Variants in SLC35A5 observed in about 807,000 individuals in gnomAD.
The protein encoded by SLC35A5 is solute carrier family 35 member A5.
SLC35A5 carries 28 observed loss-of-function variants against 36.3 expected under a neutral mutation model. That is an observed-to-expected ratio of 0.77 (90% CI 0.57 to 1.06). SLC35A5 has a LOEUF of 1.06. Ranked by LOEUF, SLC35A5 falls within the 50% of genes least tolerant of loss-of-function variation. The probability of loss-of-function intolerance (pLI) is 0.00; values close to 1 mark genes in which losing one functional copy is unlikely to be tolerated. For synonymous variants in SLC35A5, 180 were observed against 173.7 expected (o/e 1.04, Z -0.29); for missense variants, 521 against 499.3 (o/e 1.04, Z -0.41).
chr3:112,570,230 TTTTA>T (rs1328584922), intron 3 of SLC35A5, among the ~76,000 whole-genome samples: 1 of 151,660 alleles, frequency 6.6e-6, no homozygotes. Flanking sequence ...TTTTAACTTA[TTTTA>T]ACTTGTTGAT....
intron 1 of SLC35A5, 105 bp from the exon 2 acceptor site, chr3:112,563,280 A>G: frequency 9.6e-7 from 1 of 1,046,026 alleles, no homozygotes; most frequent in Non-Finnish European, 1.3e-6. Context: ...TGATATAGTC[A>G]TAGCCAAAAT....
At chr3:112,561,430 G>A, upstream of SLC35A5, 1 of 1,609,558 alleles carries the variant, frequency 6.2e-7, no homozygotes, top group Non-Finnish European at 8.5e-7. Context: ...GTGCCTGACA[G>A]CTCCCGGCAA....
chr3:112,561,609 C>T (rs534120870), upstream of SLC35A5: 1 of 1,402,160 alleles, frequency 7.1e-7, no homozygotes, highest in East Asian at 2.5e-5. Flanking sequence ...AGAAAATGTC[C>T]TCGCTGCCAC....
At chr3:112,575,300 A>G (rs1469581456) in intron 5 of SLC35A5, among the ~76,000 whole-genome samples, 1 of 152,178 alleles carries the variant, frequency 6.6e-6, no homozygotes, top group Non-Finnish European at 1.5e-5. Flanking sequence ...CTGAAGTTGT[A>G]TAATATAAAA....
At position 112,570,612 on chromosome 3, in the gene SLC35A5, C is replaced by G; in HGVS notation, c.302C>G (p.Ala101Gly). 1 of 1,612,774 alleles carries G rather than the reference C, an allele frequency of 6.2e-7. No homozygotes were observed. The highest frequency in any genetic ancestry group is 8.5e-7 in the Non-Finnish European group (1 of 1,179,404). Residue 101 changes from alanine (A) to glycine (G), a missense_variant, in exon 4 of 7, where the codon GCC becomes GGC. Transcript: ENST00000492406. ...FSDFMKWSIP[A>G]FLYFLDNLIV... ...GATTTCATGAAGTGGTCCATTCCTG[C>G]CTTTCTTTATTTCCTGGATAACTTG... is the stretch of plus-strand genomic sequence containing the variant.
At chr3:112,571,911 T>C (rs965059330) in intron 4 of SLC35A5, among the ~76,000 whole-genome samples, 44 of 147,764 alleles carry the variant, frequency 3.0e-4, no homozygotes, top group African/African-American at 1.1e-3. Flanking sequence ...AACAGGTGTT[T>C]GACTTTCCAC....
At chr3:112,578,753 A>G (rs1373916356) in intron 5 of SLC35A5, among the ~76,000 whole-genome samples, 1 of 152,144 alleles carries the variant, frequency 6.6e-6, no homozygotes, top group Non-Finnish European at 1.5e-5. Context: ...TTTTTTCTTA[A>G]TATTAGTGAA....
intron 2 of SLC35A5, among the ~76,000 whole-genome samples, chr3:112,564,541 G>T (rs1480347178): frequency 1.3e-5 from 2 of 152,028 alleles, no homozygotes; most frequent in Non-Finnish European, 2.9e-5. Flanking sequence ...GCCCAGGGAC[G>T]AGCAGGAGAC....
At chr3:112,571,663 A>G (rs1934443394) in intron 4 of SLC35A5, among the ~76,000 whole-genome samples, 1 of 152,204 alleles carries the variant, frequency 6.6e-6, no homozygotes, top group African/African-American at 2.4e-5. Context: ...GGAAGGCGAA[A>G]GAGGAGCAAA....
chr3:112,568,783 T>C (rs1934308857), intron 2 of SLC35A5, among the ~76,000 whole-genome samples: 1 of 152,342 alleles, frequency 6.6e-6, no homozygotes, highest in South Asian at 2.1e-4. Flanking sequence ...AGAAGAATTA[T>C]GAGCTGAGTA....
chr3:112,570,128 A>T (rs1314370696), intron 3 of SLC35A5, among the ~76,000 whole-genome samples: 1 of 152,160 alleles, frequency 6.6e-6, no homozygotes, highest in Non-Finnish European at 1.5e-5. Context: ...AACTTTCTCT[A>T]GTTCCATATA....
chr3:112,570,662 C>G lies in SLC35A5; in HGVS notation c.352C>G (p.Leu118Val), dbSNP rs1266104977. 2 of 1,571,414 alleles carry G rather than the reference C, an allele frequency of 1.3e-6. No individual in the cohort carries two copies. The highest frequency in any genetic ancestry group is 1.7e-4 in the Middle Eastern group (1 of 5,906). The change falls in exon 4 of 7, where the codon CTT (leucine) becomes GTT (valine). Residue 118 changes from leucine to valine, a missense_variant. By Grantham distance (32) the Leu-to-Val change is conservative (BLOSUM62 1). Coordinates refer to ENST00000492406, the MANE Select transcript of SLC35A5 (RefSeq NM_017945.5). ...NLIVFYVLSY[L>V]QPAMAVIFSN... ...GATTGTCTTCTATGTCCTGTCCTAT[C>G]TTCAACCAGTAAGTAAATATGAAAA...
At chr3:112,561,654 G>GGGGACGGGACGCGACGCGAC (rs1553740148), upstream of SLC35A5, 2 of 988,380 alleles carry the variant, frequency 2.0e-6, no homozygotes, top group African/African-American at 3.3e-5. Context: ...CAGCACCCGA[G>GGGGACGGGACGCGACGCGAC]GGGACGGGAC....
intron 3 of SLC35A5, among the ~76,000 whole-genome samples, chr3:112,569,881 G>A (rs56970524): frequency 0.067 from 10,255 of 152,198 alleles, 432 homozygotes; most frequent in Admixed American, 0.12. Context: ...TGAGGTAAAC[G>A]TAAACTTTAG....
In SLC35A5 at chr3:112,584,239, A is replaced by G. The variant is rs1340928512; in HGVS notation, c.*1503A>G. 1 of 152,322 alleles carries G rather than the reference A, an allele frequency of 6.6e-6. No individual in the cohort carries two copies. 9.4% of individuals were successfully genotyped at this position (152,322 alleles called of 1,614,324 possible). ...AAAATAGAGTGAGACAAAAACCTAC[A>G]CAACTTTTAAAACTTTCTCTTTAAG... On this transcript the variant is annotated 3_prime_UTR_variant, in exon 7 of 7. Transcript: ENST00000492406.
In SLC35A5 at chr3:112,580,516, A is replaced by G. The variant is rs768325611; in HGVS notation, c.429-30A>G. The G allele has an allele frequency of 3.9e-6, 6 of 1,558,132 alleles. No homozygotes were observed. In the African/African-American group the frequency reaches 8.3e-5, roughly 21 times the overall value. ...ACTATTGATATGGGGGGAAAACAGTAGTAAAATCTTTTTTTTCATCTTTGA... is the reference window on the plus strand; with the variant it reads ...ACTATTGATATGGGGGGAAAACAGTGGTAAAATCTTTTTTTTCATCTTTGA... On this transcript the variant is annotated intron_variant, in intron 5 of 6. Transcript: ENST00000492406.
At chr3:112,566,521 A>T (rs765714008) in intron 2 of SLC35A5, among the ~76,000 whole-genome samples, 3 of 152,260 alleles carry the variant, frequency 2.0e-5, no homozygotes, top group Non-Finnish European at 4.4e-5. Flanking sequence ...ACTCCGAGGA[A>T]TGCCAGCATT....
intron 4 of SLC35A5, among the ~76,000 whole-genome samples, chr3:112,573,000 A>G (rs766969): frequency 0.16 from 24,398 of 152,220 alleles, 4,608 homozygotes; most frequent in African/African-American, 0.45. Context: ...TAAGAATGTA[A>G]TAGAAAAACA....
At chr3:112,576,488 T>C (rs1422209666) in intron 5 of SLC35A5, among the ~76,000 whole-genome samples, 1 of 152,228 alleles carries the variant, frequency 6.6e-6, no homozygotes, top group African/African-American at 2.4e-5. Flanking sequence ...GTGAAGTAGA[T>C]GTTGAACTCT....
Sources: gnomAD v4.1 joint callset for allele counts (sites outside exome capture counted in the v4.1 genomes callset) on GRCh38, gnomAD v4.1.1 for gene constraint, MANE v1.5 for transcripts, NCBI Gene and HGNC (gene_info 2026-07-23, HGNC 2026-07-21) for gene names.